The following NBEA variants were observed in gnomAD, a reference collection of about 807,000 sequenced individuals.
The protein encoded by NBEA is lysosomal-trafficking regulator 2.
A neutral mutation model predicts 343.4 loss-of-function variants in NBEA; 44 were observed. The observed-to-expected ratio is 0.13, with a 90% CI of 0.10 to 0.16. NBEA has a LOEUF of 0.16. Ranked by LOEUF, NBEA falls within the 10% of genes least tolerant of loss-of-function variation. NBEA has a pLI of 1.00. For synonymous variants in NBEA, 1,175 were observed against 1,238.7 expected (o/e 0.95, Z 1.08); for missense variants, 2,555 against 3,631.3 (o/e 0.70, Z 7.62).
chr13:35,072,664 C>A (rs377101802), intron 10 of NBEA, among the ~76,000 whole-genome samples: 1 of 152,040 alleles, frequency 6.6e-6, no homozygotes, highest in African/African-American at 2.4e-5. Context: ...CAGATTCAAG[C>A]AATTCCCTTG....
intron 38 of NBEA, among the ~76,000 whole-genome samples, chr13:35,376,224 A>G (rs558625066): frequency 2.1e-4 from 32 of 152,228 alleles, no homozygotes; most frequent in African/African-American, 7.7e-4. Flanking sequence ...GCCTTTGCAC[A>G]TTATGAAGTT....
At chr13:35,492,484 G>T (rs2076537579) in intron 41 of NBEA, among the ~76,000 whole-genome samples, 1 of 151,952 alleles carries the variant, frequency 6.6e-6, no homozygotes, top group Non-Finnish European at 1.5e-5. Flanking sequence ...AAGTTAAAAT[G>T]AAGGACTAAA....
At chr13:35,243,294 G>GA (rs1403867315) in intron 34 of NBEA, among the ~76,000 whole-genome samples, 2 of 151,764 alleles carry the variant, frequency 1.3e-5, no homozygotes, top group Non-Finnish European at 3.0e-5. Flanking sequence ...AAGAACAAGA[G>GA]AAAAAGCAAA....
intron 38 of NBEA, among the ~76,000 whole-genome samples, chr13:35,402,552 C>A (rs1369356178): frequency 2.0e-5 from 3 of 152,032 alleles, no homozygotes; most frequent in Non-Finnish European, 1.5e-5. Context: ...GGAAAAGAAC[C>A]GAACCACACA....
chr13:35,215,817 A>T (rs2074035777), intron 33 of NBEA, among the ~76,000 whole-genome samples: 1 of 151,460 alleles, frequency 6.6e-6, no homozygotes, highest in Non-Finnish European at 1.5e-5. Context: ...TTCTGCCTGG[A>T]ATTTTCTTTC....
At chr13:35,381,277 C>A (rs1220673287) in intron 38 of NBEA, among the ~76,000 whole-genome samples, 1 of 151,908 alleles carries the variant, frequency 6.6e-6, no homozygotes, top group South Asian at 2.1e-4. Flanking sequence ...CAAATTAGTG[C>A]CATTAAACAA....
intron 38 of NBEA, among the ~76,000 whole-genome samples, chr13:35,392,896 G>T (rs1183202366): frequency 1.3e-5 from 2 of 152,296 alleles, no homozygotes; most frequent in East Asian, 3.9e-4. Context: ...CAAAAGGAAG[G>T]TCCAAATAGG....
chr13:35,593,854 G>A (rs12866628), intron 47 of NBEA, among the ~76,000 whole-genome samples: 34,066 of 151,900 alleles, frequency 0.22, 4,013 homozygotes, highest in African/African-American at 0.25. Context: ...AATTAATAAA[G>A]CATTAATGAC....
At chr13:35,478,447 G>A (rs1472122771) in intron 41 of NBEA, among the ~76,000 whole-genome samples, 1 of 152,220 alleles carries the variant, frequency 6.6e-6, no homozygotes, top group African/African-American at 2.4e-5. Context: ...CGGCGAGGAT[G>A]TGCAGTGGTC....
At chr13:35,083,271 G>T (rs1015694001) in intron 10 of NBEA, among the ~76,000 whole-genome samples, 7 of 151,976 alleles carry the variant, frequency 4.6e-5, no homozygotes, top group Admixed American at 1.3e-4. Context: ...TGTTCCATTG[G>T]TCTATATCTC....
At chr13:35,414,235 C>CT (rs10717158) in intron 38 of NBEA, among the ~76,000 whole-genome samples, 2 of 151,626 alleles carry the variant, frequency 1.3e-5, no homozygotes, top group Non-Finnish European at 2.9e-5. Context: ...TACAGTTACT[C>CT]TTTTTTTTAT....
intron 38 of NBEA, among the ~76,000 whole-genome samples, chr13:35,386,062 A>G (rs2042229416): frequency 1.3e-5 from 2 of 152,226 alleles, no homozygotes; most frequent in African/African-American, 2.4e-5. Context: ...AAAACCTACA[A>G]TGTTTATAAA....
intron 1 of NBEA, among the ~76,000 whole-genome samples, chr13:35,024,281 A>G (rs1447052133): frequency 6.6e-6 from 1 of 152,160 alleles, no homozygotes; most frequent in Non-Finnish European, 1.5e-5. Flanking sequence ...TGCTATTGTG[A>G]ATAGTGCTGC....
chr13:35,073,445 G>A (rs2063964065), intron 10 of NBEA, among the ~76,000 whole-genome samples: 1 of 152,078 alleles, frequency 6.6e-6, no homozygotes, highest in Admixed American at 6.6e-5. Flanking sequence ...TTTGAGAAAT[G>A]GAGCTAAGCT....
chr13:35,406,486 C>T (rs903884842), intron 38 of NBEA, among the ~76,000 whole-genome samples: 5 of 152,064 alleles, frequency 3.3e-5, no homozygotes, highest in African/African-American at 1.2e-4. Flanking sequence ...TCCCCAAGTC[C>T]ATTGTATCAT....
At chr13:35,419,634 T>C (rs1438017879) in intron 38 of NBEA, among the ~76,000 whole-genome samples, 2 of 152,062 alleles carry the variant, frequency 1.3e-5, no homozygotes, top group African/African-American at 2.4e-5. Flanking sequence ...TTCAGGAGTT[T>C]TGTGAATCTG....
At chr13:35,015,441 A>G (rs766753113) in intron 1 of NBEA, among the ~76,000 whole-genome samples, 3 of 152,084 alleles carry the variant, frequency 2.0e-5, no homozygotes, top group Admixed American at 1.3e-4. Context: ...ACTGCCTGGC[A>G]TGGTTCTGTG....
intron 38 of NBEA, among the ~76,000 whole-genome samples, chr13:35,417,686 G>A (rs953213753): frequency 2.0e-5 from 3 of 152,170 alleles, no homozygotes; most frequent in Non-Finnish European, 4.4e-5. Flanking sequence ...TAGGTGTGAT[G>A]TGGTGCTGAG....
rs375849606 is a variant in NBEA at position 35,539,776 on chromosome 13, C to T, written c.6586-10701C>T. Among the ~76,000 whole-genome samples the T allele has an allele frequency of 2.6e-3, 398 of 150,984 alleles. 3 individuals are homozygous for T. The highest frequency in any genetic ancestry group is 9.1e-3 in the African/African-American group (376 of 41,180). On this transcript the variant is annotated intron_variant, in intron 41 of 58. Transcript: ENST00000379939. ...CTAAAAATACAAAAAATTAGCCGGG[C>T]GTGGTGGCGGGCGCCTGTAGTCCCA... is the stretch of plus-strand genomic sequence containing the variant.
Sources: gnomAD v4.1 joint callset for allele counts (sites outside exome capture counted in the v4.1 genomes callset) on GRCh38, gnomAD v4.1.1 for gene constraint, MANE v1.5 for transcripts, NCBI Gene and HGNC (gene_info 2026-07-23, HGNC 2026-07-21) for gene names.